GABRA3: variants seen among roughly 807,000 people sequenced by gnomAD.
GABRA3 encodes the protein gamma-aminobutyric acid type A receptor subunit alpha3.
GABRA3 carries 10 observed loss-of-function variants against 30.1 expected under a neutral mutation model. The ratio of observed to expected loss-of-function variants is 0.33; its 90% CI spans 0.20 to 0.56. The LOEUF is 0.56. GABRA3 is among the 20% of genes least tolerant of loss of function. The probability of loss-of-function intolerance (pLI) is 0.89; values close to 1 mark genes in which losing one functional copy is unlikely to be tolerated. For synonymous variants in GABRA3, 151 were observed against 146.8 expected (o/e 1.03, Z -0.21); for missense variants, 233 against 392.0 (o/e 0.59, Z 3.42).
At chrX:152,422,519 G>T (rs1174468897) in intron 1 of GABRA3, among the ~76,000 whole-genome samples, 1 of 110,464 alleles carries the variant, frequency 9.1e-6, no homozygotes, top group Non-Finnish European at 1.9e-5. Flanking sequence ...GTACAATTAG[G>T]ATTTTGCATT....
At chrX:152,303,874 C>A (rs907821018) in intron 3 of GABRA3, among the ~76,000 whole-genome samples, 1 of 111,000 alleles carries the variant, frequency 9.0e-6, no homozygotes, top group Non-Finnish European at 1.9e-5. Context: ...GGGCTTAAAA[C>A]CTAGATGACG....
chrX:152,328,916 A>G (rs1940114024), intron 3 of GABRA3, among the ~76,000 whole-genome samples: 2 of 111,694 alleles, frequency 1.8e-5, no homozygotes, highest in Non-Finnish European at 3.8e-5. Context: ...AATTGTCCCC[A>G]TTTGCAGATG....
chrX:152,385,280 T>C (rs1311888425), intron 1 of GABRA3, among the ~76,000 whole-genome samples: 1 of 111,544 alleles, frequency 9.0e-6, no homozygotes, highest in African/African-American at 3.3e-5. Flanking sequence ...TAAAGAAACA[T>C]ATATTGATGC....
intron 4 of GABRA3, among the ~76,000 whole-genome samples, chrX:152,277,543 C>A (rs759053868): frequency 3.3e-4 from 37 of 111,461 alleles, no homozygotes; most frequent in African/African-American, 1.2e-3. Flanking sequence ...GGGAAAATCA[C>A]AAAGTGATTA....
At chrX:152,319,381 C>G (rs987524841) in intron 3 of GABRA3, among the ~76,000 whole-genome samples, 2 of 111,715 alleles carry the variant, frequency 1.8e-5, no homozygotes, top group African/African-American at 6.5e-5. Context: ...AAAATAAGCA[C>G]GGAGACCAAT....
chrX:152,185,681 G>A (rs1033152209), intron 9 of GABRA3, among the ~76,000 whole-genome samples: 2 of 111,425 alleles, frequency 1.8e-5, no homozygotes, highest in African/African-American at 6.5e-5. Context: ...ATAATAAAAA[G>A]GGCTTATCCT....
intron 4 of GABRA3, among the ~76,000 whole-genome samples, chrX:152,268,352 T>C (rs1231652104): frequency 8.9e-6 from 1 of 111,759 alleles, no homozygotes; most frequent in African/African-American, 3.3e-5. Flanking sequence ...CTCCTGATAG[T>C]GAATAAGTTT....
chrX:152,218,780 A>C (rs1341971483), intron 6 of GABRA3, among the ~76,000 whole-genome samples: 2 of 111,369 alleles, frequency 1.8e-5, no homozygotes, highest in East Asian at 5.7e-4. Context: ...ACTGAGAACT[A>C]ATCATTTTTC....
chrX:152,223,022 C>T lies in GABRA3; in HGVS notation c.634+1741G>A, dbSNP rs1170731976. Reference sequence around the variant, plus strand: ...TAATTTGAGATGTTTCAGATATTTCCCTTGTGTCACCCTAGCCCTGTGTGA... The same window carrying T: ...TAATTTGAGATGTTTCAGATATTTCTCTTGTGTCACCCTAGCCCTGTGTGA... On this transcript the variant is annotated intron_variant, in intron 6 of 9. Coordinates refer to ENST00000370314, the MANE Select transcript of GABRA3 (RefSeq NM_000808.4). 2.7e-5 allele frequency among the ~76,000 whole-genome samples: 3 copies of T among 111,114 alleles called. No individual in the cohort carries two copies. The East Asian group carries it at 8.6e-4, about 32-fold the overall frequency.
intron 1 of GABRA3, among the ~76,000 whole-genome samples, chrX:152,447,535 G>C (rs886665839): frequency 9.0e-6 from 1 of 111,704 alleles, no homozygotes; most frequent in African/African-American, 3.3e-5. Flanking sequence ...AAAAACATCT[G>C]TTAAGCCTCC....
At chrX:152,355,309 C>A (rs945689981) in intron 2 of GABRA3, among the ~76,000 whole-genome samples, 1 of 111,631 alleles carries the variant, frequency 9.0e-6, no homozygotes, top group Non-Finnish European at 1.9e-5. Flanking sequence ...CTATTCTCCA[C>A]CCCGTTCTCC....
intron 3 of GABRA3, among the ~76,000 whole-genome samples, chrX:152,297,906 A>C (rs1389693118): frequency 8.9e-6 from 1 of 112,282 alleles, no homozygotes; most frequent in African/African-American, 3.2e-5. Context: ...GAGCACCATT[A>C]TAACAAAATT....
intron 1 of GABRA3, among the ~76,000 whole-genome samples, chrX:152,396,664 A>G (rs1929670367): frequency 8.9e-6 from 1 of 112,362 alleles, no homozygotes; most frequent in Admixed American, 9.5e-5. Context: ...AGGATACTAC[A>G]TTGATATGTT....
chrX:152,169,317 C>A (rs1248834286), intron 9 of GABRA3, among the ~76,000 whole-genome samples: 1 of 112,234 alleles, frequency 8.9e-6, no homozygotes, highest in Non-Finnish European at 1.9e-5. Flanking sequence ...AGGAGCGGGC[C>A]AAGGCTTTCC....
intron 4 of GABRA3, among the ~76,000 whole-genome samples, chrX:152,280,249 C>T (rs775451223): frequency 9.0e-6 from 1 of 111,175 alleles, no homozygotes; most frequent in South Asian, 3.8e-4. Flanking sequence ...GATTCCTGGT[C>T]ATAGACTCCT....
At chrX:152,199,916 T>C (rs970926073) in intron 7 of GABRA3, among the ~76,000 whole-genome samples, 1 of 111,274 alleles carries the variant, frequency 9.0e-6, no homozygotes, top group Non-Finnish European at 1.9e-5. Context: ...AATATTTCCA[T>C]AATTTGACCA....
chrX:152,350,667 A>G (rs1450645708), intron 2 of GABRA3, among the ~76,000 whole-genome samples: 1 of 111,636 alleles, frequency 9.0e-6, no homozygotes, highest in Non-Finnish European at 1.9e-5. Flanking sequence ...GTTAATGTTT[A>G]TATTTTGACC....
rs774638124 is a variant in GABRA3 at position 152,325,306 on chromosome X, C to T, written c.262+20275G>A. Among the ~76,000 whole-genome samples the T allele has an allele frequency of 8.9e-5, 10 of 111,888 alleles. 1 individual carries two copies. The highest frequency in any genetic ancestry group is 2.8e-4 in the East Asian group (1 of 3,533). ...CTCCCAGCGTGAGCAATGCAGAAGACGAATGATTTCTGCATTTCTAACTGA... is the reference window on the plus strand; with the variant it reads ...CTCCCAGCGTGAGCAATGCAGAAGATGAATGATTTCTGCATTTCTAACTGA... On this transcript the variant is annotated intron_variant, in intron 3 of 9. Coordinates refer to ENST00000370314, the MANE Select transcript of GABRA3 (RefSeq NM_000808.4).
chrX:152,415,416 C>G (rs1213680238), intron 1 of GABRA3, among the ~76,000 whole-genome samples: 1 of 111,046 alleles, frequency 9.0e-6, no homozygotes, highest in Non-Finnish European at 1.9e-5. Context: ...ACTGACACAA[C>G]CATAGAGATG....
Sources: gnomAD v4.1 joint callset for allele counts (sites outside exome capture counted in the v4.1 genomes callset) on GRCh38, gnomAD v4.1.1 for gene constraint, MANE v1.5 for transcripts, NCBI Gene and HGNC (gene_info 2026-07-23, HGNC 2026-07-21) for gene names.